Variants in OTOG observed in about 807,000 individuals in gnomAD.
OTOG encodes otogelin.
In OTOG, 296 loss-of-function variants were observed where a neutral mutation model predicts 313.8. The observed-to-expected ratio is 0.94, with a 90% CI of 0.86 to 1.04. OTOG has a LOEUF of 1.04. Among genes scored for constraint, OTOG ranks in the 50% least tolerant of loss-of-function variants. The probability of loss-of-function intolerance (pLI) is 0.00; values close to 1 mark genes in which losing one functional copy is unlikely to be tolerated. For synonymous variants in OTOG, 1,533 were observed against 1,554.9 expected, an observed-to-expected ratio of 0.99 and a Z score of 0.33; for missense variants, 3,948 against 3,840.1, an observed-to-expected ratio of 1.03 and a Z score of -0.74.
rs1292564878 is a variant in OTOG at position 17,575,878 on chromosome 11, T to A, written c.2487-678T>A. Among the ~76,000 whole-genome samples the A allele has an allele frequency of 5.3e-5, 8 of 151,960 alleles. No individual in the cohort carries two copies. The South Asian group carries it at 8.3e-4, about 16-fold the overall frequency. On this transcript the variant is annotated intron_variant, in intron 20 of 55. Coordinates refer to ENST00000399397, the MANE Select transcript of OTOG (RefSeq NM_001292063.2). ...TTAAGCAGCACTGGAGCTGGAAGAG[T>A]TTCGGCGTCCGGTCCATAACTCACT...
intron 4 of OTOG, 85 bp from the exon 5 acceptor site, chr11:17,553,034 G>GA: frequency 7.9e-7 from 1 of 1,265,846 alleles, no homozygotes; most frequent in Non-Finnish European, 1.1e-6. Context: ...TGGGGGTCTG[G>GA]ATCCTGTGAA....
chr11:17,642,211 A>G lies in OTOG; in HGVS notation c.8380A>G (p.Ser2794Gly), dbSNP rs1194360074. The change falls in exon 53 of 56, where the codon AGC becomes GGC. Residue 2794 changes from serine (S) to glycine (G), a missense_variant. Coordinates refer to ENST00000399397, the MANE Select transcript of OTOG (RefSeq NM_001292063.2). ...LGAVLVRSPI[S>G]CPPLNETECA... is the part of the protein sequence containing the mutation. ...TGCCGTGCTGGTCCGCTCTCCCATA[A>G]GCTGCCCACCGCTCAATGAGACTGA... 1 of 1,550,046 alleles carries G rather than the reference A, an allele frequency of 6.5e-7. No homozygotes were observed. Among genetic ancestry groups the G allele is most frequent in the Admixed American group, 2.0e-5 (1 of 50,958 alleles).
chr11:17,607,176 A>G (rs1242553691), intron 33 of OTOG, among the ~76,000 whole-genome samples: 1 of 152,246 alleles, frequency 6.6e-6, no homozygotes, highest in Non-Finnish European at 1.5e-5. Flanking sequence ...GCTGGCACAT[A>G]GTAGGTGCTC....
intron 4 of OTOG, among the ~76,000 whole-genome samples, chr11:17,552,434 C>G (rs1851955869): frequency 6.6e-6 from 1 of 152,146 alleles, no homozygotes. Context: ...CTTGTGTTGT[C>G]TGTAGCCCCC....
In OTOG at chr11:17,574,925, G is replaced by A; in HGVS notation, c.2486+13G>A. ...TCTGTGTCCCCCGGTGAGTGGGTCAGCTTGATCTCTGAGTTGGGTGGGAAG... is the reference window on the plus strand; with the variant it reads ...TCTGTGTCCCCCGGTGAGTGGGTCAACTTGATCTCTGAGTTGGGTGGGAAG... On this transcript the variant is annotated intron_variant, in intron 20 of 55. Coordinates refer to ENST00000399397, the MANE Select transcript of OTOG (RefSeq NM_001292063.2). 1 of 1,481,094 alleles carries A rather than the reference G, an allele frequency of 6.8e-7. No individual in the cohort carries two copies. 91.7% of individuals were successfully genotyped at this position (1,481,094 alleles called of 1,614,324 possible).
intron 8 of OTOG, among the ~76,000 whole-genome samples, chr11:17,557,778 C>T (rs953683146): frequency 6.6e-6 from 1 of 152,132 alleles, no homozygotes; most frequent in African/African-American, 2.4e-5. Flanking sequence ...GCACCTACAC[C>T]ATACTAAACA....
At chr11:17,580,518 CT>C (rs1279076403) in intron 23 of OTOG, among the ~76,000 whole-genome samples, 2 of 152,204 alleles carry the variant, frequency 1.3e-5, no homozygotes, top group Non-Finnish European at 2.9e-5. Flanking sequence ...AGGCCAAAGC[CT>C]TGAGTCCTTG....
chr11:17,637,783 T>C (rs1854300371), intron 47 of OTOG, among the ~76,000 whole-genome samples: 1 of 152,240 alleles, frequency 6.6e-6, no homozygotes, highest in Non-Finnish European at 1.5e-5. Flanking sequence ...CTCATAATTT[T>C]TTGGAACACC....
Position 17,602,397 on chromosome 11 carries a change from C to T in OTOG, c.3877+20C>T, listed in dbSNP as rs560295530. ...CCCATGGTAAGGCCCATCCCAGTCC[C>T]ACTCCAGCTCTTCTGGGAGGCAGGA... On this transcript the variant is annotated intron_variant, in intron 32 of 55. Transcript: ENST00000399397. 1.4e-5 allele frequency: 22 copies of T among 1,542,972 alleles called. No homozygotes were observed. In the African/African-American group the frequency reaches 3.0e-4, roughly 21 times the overall value.
chr11:17,571,214 C>T (rs1852397540), intron 17 of OTOG, among the ~76,000 whole-genome samples: 1 of 152,194 alleles, frequency 6.6e-6, no homozygotes, highest in Non-Finnish European at 1.5e-5. Flanking sequence ...TATGCTTTGC[C>T]TAGTAGGGCA....
chr11:17,558,457 C>T (rs1852102564), intron 9 of OTOG, 81 bp from the exon 10 acceptor site: 7 of 1,529,028 alleles, frequency 4.6e-6, no homozygotes, highest in African/African-American at 1.4e-5. Flanking sequence ...TCCCTCTCCC[C>T]ACAGCTCAAG....
In OTOG at chr11:17,561,774, C is replaced by A; in HGVS notation, c.1611C>A (p.Phe537Leu). 1 of 1,550,568 alleles carries A rather than the reference C, an allele frequency of 6.4e-7. No homozygotes were observed. Among genetic ancestry groups the A allele is most frequent in the Middle Eastern group, 1.7e-4 (1 of 5,992 alleles). ...ILAKSRSSGT[F>L]TVTLQNAPCG... ...CCAAGAGCCGCTCTTCGGGCACCTT[C>A]ACCGTGACATTGCAGAATGCCCCAT... The change falls in exon 15 of 56, where the codon TTC becomes TTA. Residue 537 changes from phenylalanine to leucine, a missense_variant. Physicochemically the swap from Phe to Leu is conservative, Grantham distance 22. Transcript: ENST00000399397.
chr11:17,619,832 A>C (rs1853819211), intron 39 of OTOG, among the ~76,000 whole-genome samples: 1 of 152,156 alleles, frequency 6.6e-6, no homozygotes, highest in Non-Finnish European at 1.5e-5. Context: ...CATATTTACC[A>C]TTTTGTGCTT....
intron 15 of OTOG, among the ~76,000 whole-genome samples, chr11:17,564,047 C>G (rs1246051363): frequency 6.6e-6 from 1 of 152,088 alleles, no homozygotes; most frequent in East Asian, 1.9e-4. Flanking sequence ...CAGCCTTGGC[C>G]TGAGTCAACC....
In OTOG at chr11:17,610,583, G is replaced by A. The variant is rs1853507053; in HGVS notation, c.5283G>A (p.Arg1761=). The stretch of plus-strand genomic sequence containing the variant: ...CCCAGCATACCACCATGGCCACCAG[G>A]TCTCCAGCTCTGCCCCCAGAGACCC... ...RPAQHTTMAT[R]SPALPPETPA... is the part of the protein sequence containing the mutation. Residue 1761 remains arginine, a synonymous_variant, in exon 36 of 56, where the codon AGG becomes AGA. Coordinates refer to ENST00000399397, the MANE Select transcript of OTOG (RefSeq NM_001292063.2). The A allele has an allele frequency of 6.4e-7, 1 of 1,550,490 alleles. No individual in the cohort carries two copies. The highest frequency in any genetic ancestry group is 8.7e-7 in the Non-Finnish European group (1 of 1,146,912).
Position 17,611,786 on chromosome 11 carries a change from A to G in OTOG, c.6123+363A>G, listed in dbSNP as rs375064738. 3.3e-5 allele frequency among the ~76,000 whole-genome samples: 5 copies of G among 151,756 alleles called. No individual in the cohort carries two copies. In the East Asian group the frequency reaches 5.8e-4, roughly 18 times the overall value. On this transcript the variant is annotated intron_variant, in intron 36 of 55. Transcript: ENST00000399397. ...GAGGAATGGTGTTTGAGACATCCTC[A>G]TGTGCATCTTTGTGCCTTTGTGAGA...
intron 24 of OTOG, among the ~76,000 whole-genome samples, chr11:17,587,586 G>T (rs1361426903): frequency 6.6e-6 from 1 of 152,150 alleles, no homozygotes; most frequent in East Asian, 1.9e-4. Flanking sequence ...AAACCACCCT[G>T]TTTCTCTGGC....
rs143901828 is a variant in OTOG at position 17,579,889 on chromosome 11, C to T, written c.2759+1363C>T. ...GCTCAGTTTGGCCAATGACCCATTG[C>T]GTGCTGTATCAAAGGCCCTCTAAGG... is the stretch of plus-strand genomic sequence containing the variant. On this transcript the variant is annotated intron_variant, in intron 23 of 55. Transcript: ENST00000399397. Among the ~76,000 whole-genome samples the T allele has an allele frequency of 2.2e-3, 339 of 152,282 alleles. 1 individual carries two copies. Among genetic ancestry groups the T allele is most frequent in the Middle Eastern group, 0.01 (3 of 294 alleles).
intron 15 of OTOG, 91 bp from the exon 16 acceptor site, chr11:17,569,065 C>A: frequency 7.1e-7 from 1 of 1,412,094 alleles, no homozygotes; most frequent in Non-Finnish European, 9.6e-7. Context: ...GTCTCTCAAG[C>A]TGGGCTGGGG....
Sources: gnomAD v4.1 joint callset for allele counts (sites outside exome capture counted in the v4.1 genomes callset) on GRCh38, gnomAD v4.1.1 for gene constraint, MANE v1.5 for transcripts, NCBI Gene and HGNC (gene_info 2026-07-23, HGNC 2026-07-21) for gene names.